The following SLC25A28 variants were observed in gnomAD, a reference collection of about 807,000 sequenced individuals.
SLC25A28 encodes the protein mitoferrin-2.
SLC25A28 carries 10 observed loss-of-function variants against 31.9 expected under a neutral mutation model. The observed-to-expected ratio is 0.31, with a 90% CI of 0.19 to 0.53. The LOEUF (loss-of-function observed/expected upper bound fraction) is 0.53, where lower values mean the gene tolerates loss of function less well. Ranked by LOEUF, SLC25A28 falls within the 20% of genes least tolerant of loss-of-function variation. The pLI, the probability that SLC25A28 is intolerant of heterozygous loss-of-function variation, is 0.95. For synonymous variants in SLC25A28, 208 were observed against 203.6 expected (o/e 1.02, Z -0.19); for missense variants, 256 against 490.3 (o/e 0.52, Z 4.51).
At chr10:99,648,681 C>T in the SLC25A28 span, among the ~76,000 whole-genome samples, 14 of 140,726 alleles carry the variant, frequency 9.9e-5, no homozygotes, top group Non-Finnish European at 9.1e-5. Context: ...TAAATATATT[C>T]CTAGGTTTTT....
intron 1 of SLC25A28, chr10:99,617,230 A>G (rs1241409274): frequency 1.0e-6 from 1 of 985,412 alleles, no homozygotes; most frequent in Non-Finnish European, 1.2e-6. Flanking sequence ...GAGGCCCAGA[A>G]AAGGAAACTG....
the SLC25A28 span, among the ~76,000 whole-genome samples, chr10:99,632,218 T>C: frequency 6.6e-6 from 1 of 152,164 alleles, no homozygotes; most frequent in African/African-American, 2.4e-5. Flanking sequence ...TTTTAAGCAA[T>C]AAAGTATAAT....
chr10:99,628,009 T>C, the SLC25A28 span, among the ~76,000 whole-genome samples: 198 of 152,292 alleles, frequency 1.3e-3, no homozygotes, highest in African/African-American at 4.4e-3. Context: ...ACATCACCGA[T>C]ACCAATCTCT....
chr10:99,621,024 CCGCGGGATCTCGT>C (rs1439173745), upstream of SLC25A28: 15 of 973,288 alleles, frequency 1.5e-5, no homozygotes, highest in Non-Finnish European at 1.8e-5. Flanking sequence ...AGCCGTGTTC[CCGCGGGATCTCGT>C]CGCGGGCGTG....
chr10:99,610,576 A>G lies in SLC25A28; in HGVS notation c.*273T>C, dbSNP rs148600046. The G allele has an allele frequency of 4.4e-5, 20 of 459,610 alleles. No homozygotes were observed. The highest frequency in any genetic ancestry group is 7.4e-5 in the East Asian group (2 of 27,056). The allele number at this position is 459,610 out of a possible 1,614,324, so 28.5% of individuals were successfully genotyped here. A position where few individuals can be genotyped will look rare whatever the true frequency, so the allele number is the denominator to read the frequency against. ...AGGGGAATGAGCTGCTTATCCCTCT[A>G]TAACAGTCTAGAGCAGGTCATCAGG... is the stretch of plus-strand genomic sequence containing the variant. On this transcript the variant is annotated 3_prime_UTR_variant, in exon 4 of 4. Transcript: ENST00000370495.
the SLC25A28 span, chr10:99,651,955 C>T: frequency 6.6e-6 from 1 of 152,178 alleles, no homozygotes; most frequent in South Asian, 2.1e-4. Context: ...CTTGCTTTTG[C>T]TGTTGAATCT....
chr10:99,631,232 T>C, the SLC25A28 span, among the ~76,000 whole-genome samples: 1 of 152,160 alleles, frequency 6.6e-6, no homozygotes, highest in African/African-American at 2.4e-5. Context: ...TTGGGCAACA[T>C]GGTCAATTTT....
chr10:99,632,224 A>G, the SLC25A28 span, among the ~76,000 whole-genome samples: 1 of 152,228 alleles, frequency 6.6e-6, no homozygotes, highest in Non-Finnish European at 1.5e-5. Flanking sequence ...GCAATAAAGT[A>G]TAATGACTAC....
At chr10:99,632,426 G>A in the SLC25A28 span, among the ~76,000 whole-genome samples, 2 of 152,116 alleles carry the variant, frequency 1.3e-5, no homozygotes, top group Non-Finnish European at 2.9e-5. Flanking sequence ...CATGGATACT[G>A]AGGGACAACT....
chr10:99,628,134 T>G, the SLC25A28 span, among the ~76,000 whole-genome samples: 1 of 152,208 alleles, frequency 6.6e-6, no homozygotes, highest in Non-Finnish European at 1.5e-5. Flanking sequence ...AGTGGCACAT[T>G]TATGGCAAGG....
intron 1 of SLC25A28, chr10:99,616,017 C>G (rs2034644448): frequency 1.0e-6 from 1 of 985,258 alleles, no homozygotes; most frequent in African/African-American, 1.7e-5. Flanking sequence ...AAAGTACACC[C>G]TTATGGAGAG....
At chr10:99,653,530 T>C in the SLC25A28 span, among the ~76,000 whole-genome samples, 4 of 152,278 alleles carry the variant, frequency 2.6e-5, no homozygotes, top group African/African-American at 7.2e-5. Context: ...ATAATGCTTA[T>C]TGCTATTTTA....
At chr10:99,616,892 T>C in intron 1 of SLC25A28, 8 of 935,952 alleles carry the variant, frequency 8.5e-6, no homozygotes, top group Non-Finnish European at 1.0e-5. Flanking sequence ...AATGAATAAA[T>C]GTATGTAAGG....
the SLC25A28 span, among the ~76,000 whole-genome samples, chr10:99,637,094 G>A: frequency 6.6e-6 from 1 of 152,066 alleles, no homozygotes; most frequent in Non-Finnish European, 1.5e-5. Flanking sequence ...AATACACCAC[G>A]AGCAAGTGGG....
the SLC25A28 span, among the ~76,000 whole-genome samples, chr10:99,641,836 T>A: frequency 2.7e-5 from 4 of 150,862 alleles, no homozygotes; most frequent in Admixed American, 6.7e-5. Flanking sequence ...CCTTTCCCCA[T>A]TTCTTGTTTT....
the SLC25A28 span, among the ~76,000 whole-genome samples, chr10:99,638,634 T>C: frequency 6.6e-6 from 1 of 152,130 alleles, no homozygotes; most frequent in Non-Finnish European, 1.5e-5. Flanking sequence ...AGGACATGAA[T>C]AGACAATTCT....
At chr10:99,612,197 GAA>G (rs946916276) in intron 3 of SLC25A28, among the ~76,000 whole-genome samples, 2 of 151,024 alleles carry the variant, frequency 1.3e-5, no homozygotes, top group East Asian at 3.9e-4. Flanking sequence ...TCATAAGGGG[GAA>G]AAAAAAAGTC....
chr10:99,618,318 C>G (rs966256788), intron 1 of SLC25A28: 1 of 984,672 alleles, frequency 1.0e-6, no homozygotes, highest in Non-Finnish European at 1.2e-6. Flanking sequence ...ATTTCTAAGA[C>G]AAATTATTAC....
At chr10:99,653,591 A>G in the SLC25A28 span, among the ~76,000 whole-genome samples, 3 of 152,208 alleles carry the variant, frequency 2.0e-5, no homozygotes, top group Admixed American at 1.3e-4. Context: ...TAAGTAATAC[A>G]GAGAGTCTCT....
Sources: allele counts gnomAD v4.1 joint callset (sites outside exome capture counted in the v4.1 genomes callset), GRCh38; gene constraint gnomAD v4.1.1; transcripts MANE v1.5; gene names NCBI Gene and HGNC (gene_info 2026-07-23, HGNC 2026-07-21).